The following DIPK1C variants were observed in gnomAD, a reference collection of about 807,000 sequenced individuals.
The protein encoded by DIPK1C is divergent protein kinase domain 1C, also known as familial non-conventional Alzheimer's dementia.
In DIPK1C, 33 loss-of-function variants were observed where a neutral mutation model predicts 28.0. That is an observed-to-expected ratio of 1.18 (90% CI 0.89 to 1.58). DIPK1C has a LOEUF of 1.58. Ranked by LOEUF, DIPK1C falls within the 40% of genes most tolerant of loss-of-function variation. DIPK1C has a pLI of 0.00. For synonymous variants in DIPK1C, 255 were observed against 248.8 expected (o/e 1.02, Z -0.23); for missense variants, 569 against 568.5 (o/e 1.00, Z -0.01).
chr18:74,463,837 G>A, the DIPK1C span, among the ~76,000 whole-genome samples: 1 of 152,168 alleles, frequency 6.6e-6, no homozygotes, highest in Non-Finnish European at 1.5e-5. Context: ...AGCCTGACCT[G>A]CTCGCCTGAC....
At chr18:74,457,399 C>T, upstream of DIPK1C, 1 of 596,712 alleles carries the variant, frequency 1.7e-6, no homozygotes, top group Non-Finnish European at 2.1e-6. Context: ...GCAGGCCCCG[C>T]GCCTGGGGCG....
chr18:74,440,409 C>G (rs190390101), intron 3 of DIPK1C, among the ~76,000 whole-genome samples: 1 of 152,198 alleles, frequency 6.6e-6, no homozygotes, highest in Non-Finnish European at 1.5e-5. Flanking sequence ...CACATCCCCT[C>G]AAGAGAGAAG....
chr18:74,462,713 C>T (rs899490730), upstream of DIPK1C, among the ~76,000 whole-genome samples: 3 of 151,822 alleles, frequency 2.0e-5, no homozygotes, highest in Admixed American at 2.0e-4. Context: ...GTGGTTGCAC[C>T]ATTTGACATT....
chr18:74,442,295 C>T (rs1986146706), intron 2 of DIPK1C, among the ~76,000 whole-genome samples, 179 bp from the exon 3 acceptor site: 2 of 152,098 alleles, frequency 1.3e-5, no homozygotes, highest in South Asian at 4.1e-4. Flanking sequence ...GGATTCATCC[C>T]CTAAAGTGTC....
upstream of DIPK1C, among the ~76,000 whole-genome samples, chr18:74,459,756 G>C (rs1462857911): frequency 6.6e-6 from 1 of 152,218 alleles, no homozygotes; most frequent in Non-Finnish European, 1.5e-5. Flanking sequence ...AAACTGTGAT[G>C]TGAGGTGTAT....
rs1286311032 is a variant in DIPK1C at position 74,447,287 on chromosome 18, G to T, written c.199-4C>A. 2 of 1,523,390 alleles carry T rather than the reference G, an allele frequency of 1.3e-6. No individual in the cohort carries two copies. Among genetic ancestry groups the T allele is most frequent in the Non-Finnish European group, 1.8e-6 (2 of 1,132,828 alleles). The allele number at this position is 1,523,390 out of a possible 1,614,324, so 94.4% of individuals were successfully genotyped here. A position where few individuals can be genotyped will look rare whatever the true frequency, so the allele number is the denominator to read the frequency against. Reference sequence around the variant, plus strand: ...TGCCGCCCTGGTAGTCCTGGCACTGGAAGGAAGGGAACAGTCGGTCACCAT... The same window carrying T: ...TGCCGCCCTGGTAGTCCTGGCACTGTAAGGAAGGGAACAGTCGGTCACCAT... On this transcript the variant is annotated splice_region_variant and splice_polypyrimidine_tract_variant and intron_variant, in intron 1 of 3. Transcript: ENST00000343998. The surrounding 1 kb of genome is among the most constrained non-coding windows in gnomAD (Gnocchi z 4.1).
chr18:74,460,933 G>C (rs1338136041), upstream of DIPK1C, among the ~76,000 whole-genome samples: 1 of 152,236 alleles, frequency 6.6e-6, no homozygotes, highest in Non-Finnish European at 1.5e-5. Context: ...TGCAAAGGGA[G>C]ATGCTGCGTG....
chr18:74,446,998 C>G lies in DIPK1C; in HGVS notation c.484G>C (p.Glu162Gln). 3 of 1,534,482 alleles carry G rather than the reference C, an allele frequency of 2.0e-6. No individual in the cohort carries two copies. The highest frequency in any genetic ancestry group is 2.6e-6 in the Non-Finnish European group (3 of 1,136,598). Residue 162 changes from glutamate (E) to glutamine (Q), a missense_variant, in exon 2 of 4, where the codon GAG (glutamate) becomes CAG (glutamine). Glu to Gln is a conservative substitution (Grantham distance 29). Transcript: ENST00000343998. The stretch of plus-strand genomic sequence containing the variant: ...GGCCCCAGGCTGCTGTTGGACAACT[C>G]CAGGCCCAGAGCGCTCTTGACCTCC... ...AGEVKSALGLELSNSSLGPWW... is the reference protein window; with the variant it reads ...AGEVKSALGLQLSNSSLGPWW...
chr18:74,460,771 AG>A (rs1986604489), upstream of DIPK1C, among the ~76,000 whole-genome samples: 1 of 152,220 alleles, frequency 6.6e-6, no homozygotes, highest in African/African-American at 2.4e-5. Flanking sequence ...ACTTGATAGG[AG>A]TTCATTCATT....
chr18:74,453,273 T>C (rs938264705), intron 1 of DIPK1C, among the ~76,000 whole-genome samples: 16 of 152,244 alleles, frequency 1.1e-4, no homozygotes, highest in Non-Finnish European at 2.2e-4. Flanking sequence ...GTGTTTGTTT[T>C]TAAGGAGCAT....
intron 3 of DIPK1C, among the ~76,000 whole-genome samples, chr18:74,439,807 G>A (rs189793244): frequency 1.3e-4 from 20 of 152,008 alleles, no homozygotes; most frequent in Admixed American, 5.2e-4. Flanking sequence ...GTGATGAAGC[G>A]AACCCTGTCT....
Position 74,457,252 on chromosome 18 carries a change from C to T in DIPK1C, c.8G>A (p.Arg3Gln), listed in dbSNP as rs927415192. The change falls in exon 1 of 4, where the codon CGG becomes CAG. Residue 3 changes from arginine (R) to glutamine (Q), a missense_variant. Coordinates refer to ENST00000343998, the MANE Select transcript of DIPK1C (RefSeq NM_001044369.3). The part of the protein sequence containing the change: MA[R>Q]AAGARGPAGW... ...GGCAGGGCCCCGCGCGCCCGCCGCC[C>T]GCGCCATGGCCAGCCCTGCCCGCGC... The T allele has an allele frequency of 2.0e-6, 2 of 1,001,042 alleles. No individual in the cohort carries two copies. The highest frequency in any genetic ancestry group is 1.1e-4 in the East Asian group (1 of 9,404). The allele number at this position is 1,001,042 out of a possible 1,614,324, so 62.0% of individuals were successfully genotyped here.
intron 2 of DIPK1C, among the ~76,000 whole-genome samples, chr18:74,442,481 A>G (rs1599036384): frequency 1.3e-5 from 2 of 152,060 alleles, no homozygotes; most frequent in African/African-American, 4.8e-5. Context: ...GGTGCCCACC[A>G]CCACACCCGG....
At chr18:74,437,261 T>G (rs1986018774) in intron 3 of DIPK1C, among the ~76,000 whole-genome samples, 1 of 152,196 alleles carries the variant, frequency 6.6e-6, no homozygotes, top group African/African-American at 2.4e-5. Context: ...TATAGCACTT[T>G]AAGGCTCATG....
rs774656631 is a variant in DIPK1C, at chr18:74,442,122, A to C, written c.877-6T>G. 12 of 1,613,926 alleles carry C rather than the reference A, an allele frequency of 7.4e-6. No individual in the cohort carries two copies. Among genetic ancestry groups the C allele is most frequent in the Non-Finnish European group, 1.0e-5 (12 of 1,179,956 alleles). Reference sequence around the variant, plus strand: ...TCCACATCAATAGCCACCACCTGTAATCAAAACAGCACGGGGCTATCAAAG... The same window carrying C: ...TCCACATCAATAGCCACCACCTGTACTCAAAACAGCACGGGGCTATCAAAG... On this transcript the variant is annotated splice_polypyrimidine_tract_variant and splice_region_variant and intron_variant, in intron 2 of 3. Coordinates refer to ENST00000343998, the MANE Select transcript of DIPK1C (RefSeq NM_001044369.3).
intron 2 of DIPK1C, among the ~76,000 whole-genome samples, chr18:74,445,260 C>A (rs1447338042): frequency 6.6e-6 from 1 of 152,146 alleles, no homozygotes; most frequent in Non-Finnish European, 1.5e-5. Flanking sequence ...CTGGGAGACG[C>A]ACATGGCACT....
intron 1 of DIPK1C, among the ~76,000 whole-genome samples, chr18:74,453,930 G>A (rs371410624): frequency 6.6e-6 from 1 of 152,098 alleles, no homozygotes; most frequent in African/African-American, 2.4e-5. Flanking sequence ...GAAACAATTC[G>A]CACAGTGCCT....
chr18:74,462,523 T>C (rs558174409), upstream of DIPK1C, among the ~76,000 whole-genome samples: 1 of 152,338 alleles, frequency 6.6e-6, no homozygotes, highest in Non-Finnish European at 1.5e-5. Flanking sequence ...TTTTGGCTAT[T>C]GTACATAGTG....
chr18:74,464,523 G>A, the DIPK1C span, among the ~76,000 whole-genome samples: 5 of 152,308 alleles, frequency 3.3e-5, no homozygotes, highest in Admixed American at 1.3e-4. Context: ...CACTTGGCAC[G>A]TCATTATCAC....
Sources: allele counts gnomAD v4.1 joint callset (sites outside exome capture counted in the v4.1 genomes callset), GRCh38; gene constraint gnomAD v4.1.1; non-coding constraint Gnocchi (gnomAD v3.1); transcripts MANE v1.5; gene names NCBI Gene and HGNC (gene_info 2026-07-23, HGNC 2026-07-21).